The following RIT2 variants were observed in gnomAD, a reference collection of about 807,000 sequenced individuals.
RIT2 encodes the protein Ras like without CAAX 2.
Under a neutral mutation model 23.7 loss-of-function variants are expected in RIT2, and 24 were observed. The observed-to-expected ratio is 1.01, with a 90% CI of 0.73 to 1.43. RIT2 has a LOEUF of 1.43. RIT2 is among the 40% of genes most tolerant of loss of function. The pLI, the probability that RIT2 is intolerant of heterozygous loss-of-function variation, is 0.00. For missense variants in RIT2, 236 were observed against 266.9 expected (o/e 0.88, Z 0.81); for synonymous variants, 107 against 91.1 (o/e 1.17, Z -0.99).
At chr18:42,856,833 T>G (rs962460366) in intron 4 of RIT2, among the ~76,000 whole-genome samples, 3 of 145,726 alleles carry the variant, frequency 2.1e-5, no homozygotes, top group Non-Finnish European at 4.5e-5. Flanking sequence ...CTCTCTTTTT[T>G]TTTTTTTTTT....
chr18:42,818,087 T>C (rs773122949), intron 4 of RIT2, among the ~76,000 whole-genome samples: 1 of 152,044 alleles, frequency 6.6e-6, no homozygotes, highest in African/African-American at 2.4e-5. Flanking sequence ...AGAGTAATCA[T>C]GTCTACTAAT....
At chr18:42,891,428 T>C (rs1469028084) in intron 4 of RIT2, among the ~76,000 whole-genome samples, 2 of 152,154 alleles carry the variant, frequency 1.3e-5, no homozygotes, top group Non-Finnish European at 2.9e-5. Context: ...AAAATAAAAA[T>C]GTCATTCAAT....
intron 4 of RIT2, among the ~76,000 whole-genome samples, chr18:42,773,870 T>G (rs890716693): frequency 5.9e-5 from 9 of 152,156 alleles, no homozygotes; most frequent in African/African-American, 2.2e-4. Flanking sequence ...GCTGGACTCT[T>G]CCTATATTTT....
At chr18:42,897,392 C>A (rs543619427) in intron 4 of RIT2, among the ~76,000 whole-genome samples, 20 of 152,154 alleles carry the variant, frequency 1.3e-4, no homozygotes, top group African/African-American at 4.8e-4. Flanking sequence ...CTAGGAAGAA[C>A]GGTGATGGTA....
At chr18:42,848,909 G>A (rs1006552341) in intron 4 of RIT2, among the ~76,000 whole-genome samples, 2 of 152,070 alleles carry the variant, frequency 1.3e-5, no homozygotes, top group African/African-American at 4.8e-5. Flanking sequence ...ATCTGAGATA[G>A]GTCTGTAAAC....
At chr18:43,020,288 C>A (rs532496059) in intron 2 of RIT2, among the ~76,000 whole-genome samples, 6 of 151,994 alleles carry the variant, frequency 3.9e-5, no homozygotes, top group Admixed American at 1.3e-4. Flanking sequence ...AGTTCAAGAC[C>A]AGCCTGACCA....
chr18:43,014,063 CACAT>C (rs1911415652), intron 2 of RIT2, among the ~76,000 whole-genome samples: 5 of 151,842 alleles, frequency 3.3e-5, no homozygotes, highest in African/African-American at 7.2e-5. Flanking sequence ...AACCAATAAT[CACAT>C]TCATGAAGAC....
In RIT2 at chr18:43,031,446, T is replaced by C. The variant is rs561565709; in HGVS notation, c.160+2365A>G. Among the ~76,000 whole-genome samples the C allele has an allele frequency of 5.7e-4, 86 of 151,964 alleles. 1 individual carries two copies. The highest frequency in any genetic ancestry group is 2.1e-3 in the African/African-American group (85 of 41,462). On this transcript the variant is annotated intron_variant, in intron 2 of 4. Coordinates refer to ENST00000326695, the MANE Select transcript of RIT2 (RefSeq NM_002930.4). ...TACCTGAGTCAGTGTAATAAAGAAG[T>C]CTCCTCTGCTTTAACCCTTACAAAG...
chr18:43,043,850 A>T (rs1312009818), intron 1 of RIT2, among the ~76,000 whole-genome samples: 3 of 152,170 alleles, frequency 2.0e-5, no homozygotes, highest in African/African-American at 7.2e-5. Context: ...TAAATAAAAG[A>T]AAGCAGGGAG....
At chr18:42,818,671 C>T (rs956781292) in intron 4 of RIT2, among the ~76,000 whole-genome samples, 3 of 151,946 alleles carry the variant, frequency 2.0e-5, no homozygotes, top group African/African-American at 4.8e-5. Context: ...AAATACTGTA[C>T]GCATGCTACT....
At chr18:42,921,008 A>C (rs1378367761) in intron 4 of RIT2, among the ~76,000 whole-genome samples, 4 of 152,146 alleles carry the variant, frequency 2.6e-5, no homozygotes, top group African/African-American at 9.7e-5. Flanking sequence ...AAAAGAGTAC[A>C]ATATGACAGT....
At position 42,906,714 on chromosome 18, in the gene RIT2, G is replaced by A. The variant is rs925648934; in HGVS notation, c.426+16858C>T. On this transcript the variant is annotated intron_variant, in intron 4 of 4. Transcript: ENST00000326695. ...AAACAAATGACATACATCATTAATTGCCATTTATGGAACACTGCCTTTCAA... is the reference window on the plus strand; with the variant it reads ...AAACAAATGACATACATCATTAATTACCATTTATGGAACACTGCCTTTCAA... 5.3e-5 allele frequency among the ~76,000 whole-genome samples: 8 copies of A among 152,218 alleles called. 1 individual carries two copies. The South Asian group carries it at 6.2e-4, about 12-fold the overall frequency.
At chr18:43,041,765 T>G (rs2144295083) in intron 1 of RIT2, among the ~76,000 whole-genome samples, 1 of 152,272 alleles carries the variant, frequency 6.6e-6, no homozygotes, top group Non-Finnish European at 1.5e-5. Flanking sequence ...AGTCAACTGC[T>G]TCTTACTTTG....
At chr18:42,957,262 T>G (rs1381117766) in intron 3 of RIT2, among the ~76,000 whole-genome samples, 1 of 152,186 alleles carries the variant, frequency 6.6e-6, no homozygotes, top group Non-Finnish European at 1.5e-5. Flanking sequence ...TGCTTTATAT[T>G]TTGATACGAT....
At chr18:42,961,416 T>C (rs894976720) in intron 3 of RIT2, among the ~76,000 whole-genome samples, 1 of 152,204 alleles carries the variant, frequency 6.6e-6, no homozygotes, top group African/African-American at 2.4e-5. Context: ...AGTACTGAAT[T>C]CCGAATATGA....
chr18:42,929,034 G>GAGAGATAT (rs1555647353), intron 3 of RIT2, among the ~76,000 whole-genome samples: 45 of 96,950 alleles, frequency 4.6e-4, no homozygotes, highest in Non-Finnish European at 2.1e-4. Context: ...AAAATATGGA[G>GAGAGATAT]ATATATATAT....
chr18:42,908,089 G>T (rs1210368642), intron 4 of RIT2, among the ~76,000 whole-genome samples: 2 of 147,914 alleles, frequency 1.4e-5, no homozygotes, highest in Non-Finnish European at 1.5e-5. Context: ...AAATAAAAAA[G>T]AATCTAATAG....
At chr18:42,850,957 C>T (rs76550797) in intron 4 of RIT2, among the ~76,000 whole-genome samples, 1,812 of 152,190 alleles carry the variant, frequency 0.012, 38 homozygotes, top group African/African-American at 0.041. Context: ...TCCCAGAGGC[C>T]GGGAACCAGA....
chr18:42,961,634 T>C (rs1040972902), intron 3 of RIT2, among the ~76,000 whole-genome samples: 2 of 152,186 alleles, frequency 1.3e-5, no homozygotes, highest in East Asian at 1.9e-4. Flanking sequence ...CATTGATCCA[T>C]TGTGAAGATG....
Sources: allele counts gnomAD v4.1 joint callset (sites outside exome capture counted in the v4.1 genomes callset), GRCh38; gene constraint gnomAD v4.1.1; transcripts MANE v1.5; gene names NCBI Gene and HGNC (gene_info 2026-07-23, HGNC 2026-07-21).